MGMT: variants seen among roughly 807,000 people sequenced by gnomAD.
MGMT encodes methylated-DNA--protein-cysteine methyltransferase.
A neutral mutation model predicts 15.9 loss-of-function variants in MGMT; 14 were observed. The observed-to-expected ratio is 0.88, with a 90% CI of 0.58 to 1.37. The LOEUF is 1.37. Ranked by LOEUF, MGMT falls within the 40% of genes most tolerant of loss-of-function variation. The probability of loss-of-function intolerance (pLI) is 0.00; values close to 1 mark genes in which losing one functional copy is unlikely to be tolerated. For synonymous variants in MGMT, 130 were observed against 118.2 expected, an observed-to-expected ratio of 1.10 and a Z score of -0.65; for missense variants, 282 against 268.1, an observed-to-expected ratio of 1.05 and a Z score of -0.36.
rs528975903 is a variant in MGMT at position 129,589,396 on chromosome 10, G to A, written c.125+53019G>A. ...ACTTGGGCCATGCCTCAGAGCATGG[G>A]TGCTACTCACCTCTGACCTCTTGAG... On this transcript the variant is annotated intron_variant, in intron 2 of 4. Coordinates refer to ENST00000651593, the MANE Select transcript of MGMT (RefSeq NM_002412.5). Among the ~76,000 whole-genome samples the A allele has an allele frequency of 2.2e-4, 34 of 152,334 alleles. No individual in the cohort carries two copies. The South Asian group carries it at 5.8e-3, about 26-fold the overall frequency.
intron 2 of MGMT, among the ~76,000 whole-genome samples, chr10:129,550,259 G>A (rs1292153078): frequency 6.6e-6 from 1 of 151,556 alleles, no homozygotes; most frequent in Non-Finnish European, 1.5e-5. Context: ...ATGTTTCACA[G>A]TGTTCCGCAG....
chr10:129,564,529 T>C (rs117196746), intron 2 of MGMT, among the ~76,000 whole-genome samples: 1,519 of 73,534 alleles, frequency 0.021, 43 homozygotes, highest in Non-Finnish European at 0.033. Flanking sequence ...ACTTCCTCAT[T>C]TTCCTCCTCC....
chr10:129,693,230 C>T (rs1184968131), intron 2 of MGMT, among the ~76,000 whole-genome samples: 1 of 152,182 alleles, frequency 6.6e-6, no homozygotes, highest in Non-Finnish European at 1.5e-5. Context: ...GTCTGGGAGA[C>T]TTTTCCAAGA....
intron 2 of MGMT, among the ~76,000 whole-genome samples, chr10:129,672,780 C>T (rs1451762325): frequency 2.6e-5 from 4 of 152,176 alleles, no homozygotes; most frequent in African/African-American, 9.7e-5. Context: ...CACCTGGAAT[C>T]CCTGTGATCT....
rs546190267 is a variant in MGMT, at chr10:129,490,753, C to T, written c.-13+23457C>T. 2.0e-5 allele frequency among the ~76,000 whole-genome samples: 3 copies of T among 152,190 alleles called. No individual in the cohort carries two copies. In the East Asian group the frequency reaches 5.8e-4, roughly 29 times the overall value. ...GCTATCTGTCTTCTATTTGTCCCAT[C>T]TTTATTTGTTCCTGTATTTCTAATT... is the stretch of plus-strand genomic sequence containing the variant. On this transcript the variant is annotated intron_variant, in intron 1 of 4. Transcript: ENST00000651593.
At chr10:129,507,779 T>G (rs777367951) in intron 1 of MGMT, among the ~76,000 whole-genome samples, 1 of 152,212 alleles carries the variant, frequency 6.6e-6, no homozygotes, top group Non-Finnish European at 1.5e-5. Flanking sequence ...GGGTTTTGAT[T>G]GTATTAGTTA....
At chr10:129,514,932 G>C (rs1395599644) in intron 1 of MGMT, among the ~76,000 whole-genome samples, 1 of 152,216 alleles carries the variant, frequency 6.6e-6, no homozygotes, top group Non-Finnish European at 1.5e-5. Context: ...TGCCCCTCTT[G>C]CTGTCAGCAT....
chr10:129,588,919 G>T (rs7924302), intron 2 of MGMT, among the ~76,000 whole-genome samples: 1 of 152,180 alleles, frequency 6.6e-6, no homozygotes, highest in South Asian at 2.1e-4. Flanking sequence ...AGAAACTCGC[G>T]CAGATTCCCC....
intron 2 of MGMT, among the ~76,000 whole-genome samples, chr10:129,553,465 G>C (rs1846180532): frequency 6.6e-6 from 1 of 152,124 alleles, no homozygotes; most frequent in Non-Finnish European, 1.5e-5. Context: ...TTTTGCATCT[G>C]TTCACCAGCG....
intron 2 of MGMT, among the ~76,000 whole-genome samples, chr10:129,670,610 A>T (rs1203949482): frequency 6.6e-6 from 1 of 152,254 alleles, no homozygotes; most frequent in African/African-American, 2.4e-5. Context: ...AATAAAAATG[A>T]TAAAACTCAA....
intron 2 of MGMT, among the ~76,000 whole-genome samples, chr10:129,633,094 G>C (rs999695382): frequency 3.9e-5 from 6 of 152,164 alleles, no homozygotes; most frequent in African/African-American, 1.4e-4. Context: ...GCTGATAACA[G>C]TAAGTTGCTA....
intron 2 of MGMT, among the ~76,000 whole-genome samples, chr10:129,688,291 G>C (rs982090986): frequency 9.2e-5 from 14 of 152,192 alleles, no homozygotes; most frequent in African/African-American, 2.9e-4. Flanking sequence ...GGTTGAACTA[G>C]TTTACAGTCC....
At chr10:129,517,040 G>C (rs1189819995) in intron 1 of MGMT, among the ~76,000 whole-genome samples, 1 of 152,242 alleles carries the variant, frequency 6.6e-6, no homozygotes, top group Non-Finnish European at 1.5e-5. Context: ...CCAGCAGTCA[G>C]CTGTCTGCGC....
intron 2 of MGMT, among the ~76,000 whole-genome samples, chr10:129,544,089 AC>A (rs1846073505): frequency 1.3e-5 from 2 of 152,032 alleles, no homozygotes; most frequent in Admixed American, 1.3e-4. Context: ...ATTGGGCTTC[AC>A]CTCTGTTCGG....
At chr10:129,692,693 G>T (rs1847983350) in intron 2 of MGMT, among the ~76,000 whole-genome samples, 1 of 152,186 alleles carries the variant, frequency 6.6e-6, no homozygotes, top group African/African-American at 2.4e-5. Flanking sequence ...TGGCATCTGG[G>T]GCCTCAGCTG....
intron 1 of MGMT, among the ~76,000 whole-genome samples, chr10:129,474,232 T>C (rs1409568354): frequency 6.6e-6 from 1 of 152,000 alleles, no homozygotes; most frequent in Non-Finnish European, 1.5e-5. Flanking sequence ...GTCTTGTGAG[T>C]GGGGAACACT....
chr10:129,667,129 AATCTTTGTGTAACCATC>A (rs1564753798), intron 2 of MGMT, among the ~76,000 whole-genome samples: 1 of 152,136 alleles, frequency 6.6e-6, no homozygotes, highest in Non-Finnish European at 1.5e-5. Flanking sequence ...GCCTGCAGTG[AATCTTTGTGTAACCATC>A]ATGCAGATCA....
chr10:129,630,358 A>G (rs768289630), intron 2 of MGMT, among the ~76,000 whole-genome samples: 16 of 152,184 alleles, frequency 1.1e-4, no homozygotes, highest in Non-Finnish European at 1.9e-4. Flanking sequence ...ATCAAGTGAA[A>G]TGTCTTCCCA....
At chr10:129,546,980 C>T (rs537856041) in intron 2 of MGMT, among the ~76,000 whole-genome samples, 23 of 152,238 alleles carry the variant, frequency 1.5e-4, no homozygotes, top group African/African-American at 5.3e-4. Flanking sequence ...CCCAAACACC[C>T]CAAGTTCTAG....
Sources: allele counts gnomAD v4.1 joint callset (sites outside exome capture counted in the v4.1 genomes callset), GRCh38; gene constraint gnomAD v4.1.1; transcripts MANE v1.5; gene names NCBI Gene and HGNC (gene_info 2026-07-23, HGNC 2026-07-21).